Variants in PCDH11X observed in about 807,000 individuals in gnomAD.
PCDH11X encodes protocadherin-11 X-linked.
PCDH11X carries 18 observed loss-of-function variants against 53.3 expected under a neutral mutation model. That is an observed-to-expected ratio of 0.34 (90% confidence interval 0.23 to 0.50). The LOEUF is 0.50. PCDH11X is among the 20% of genes least tolerant of loss of function. The pLI, the probability that PCDH11X is intolerant of heterozygous loss-of-function variation, is 0.98. For missense variants in PCDH11X, 570 were observed against 1,032.4 expected (o/e 0.55, Z 6.14); for synonymous variants, 279 against 393.3 (o/e 0.71, Z 3.44).
At chrX:92,217,974 A>G (rs919216633) in intron 7 of PCDH11X, among the ~76,000 whole-genome samples, 19 of 108,676 alleles carry the variant, frequency 1.7e-4, no homozygotes, top group African/African-American at 6.3e-4. Context: ...AACGAAATGA[A>G]GGCAGAAATA....
Position 92,618,567 on chromosome X carries a change from C to T in PCDH11X, c.3671C>T (p.Pro1224Leu). ...GTGTCTGCTCTCCACCACAGTCCTC[C>T]TCTAGTGCAGGCTACTGCACTTCAC... ...IQVSALHHSP[P>L]LVQATALHHS... Residue 1224 changes from proline to leucine, a missense_variant, in exon 11 of 11, where the codon CCT (proline) becomes CTT (leucine). Pro to Leu is a moderately conservative substitution (Grantham distance 98, BLOSUM62 -3). Transcript: ENST00000682573. 1 of 1,211,783 alleles carries T rather than the reference C, an allele frequency of 8.3e-7. No homozygotes were observed. Among genetic ancestry groups the T allele is most frequent in the Non-Finnish European group, 1.1e-6 (1 of 895,424 alleles).
At chrX:92,335,883 G>A (rs2069605918) in intron 8 of PCDH11X, among the ~76,000 whole-genome samples, 1 of 111,783 alleles carries the variant, frequency 8.9e-6, no homozygotes, top group African/African-American at 3.2e-5. Flanking sequence ...CGATTTGACA[G>A]TTAATACCTA....
At chrX:92,048,623 T>C (rs2063326358) in intron 6 of PCDH11X, among the ~76,000 whole-genome samples, 1 of 111,796 alleles carries the variant, frequency 8.9e-6, no homozygotes, top group South Asian at 3.7e-4. Flanking sequence ...AGTAACACTC[T>C]TTGGTTGAAA....
At chrX:91,780,878 G>A (rs1386773217) in intron 1 of PCDH11X, among the ~76,000 whole-genome samples, 1 of 112,622 alleles carries the variant, frequency 8.9e-6, no homozygotes, top group Non-Finnish European at 1.9e-5. Context: ...AGAGTGTATA[G>A]CCAGAGCCGC....
In PCDH11X at chrX:92,306,643, A is replaced by G. The variant is rs183645314; in HGVS notation, c.3144+43500A>G. ...TCAGTAATAATAATAATAATTAAAA[A>G]AAAAAAAACAACTCTTGACCAGGCG... On this transcript the variant is annotated intron_variant, in intron 8 of 10. Coordinates refer to ENST00000682573, the MANE Select transcript of PCDH11X (RefSeq NM_032968.5). 2.8e-4 allele frequency among the ~76,000 whole-genome samples: 31 copies of G among 109,449 alleles called. No homozygotes were observed. In the East Asian group the frequency reaches 8.8e-3, roughly 31 times the overall value.
At chrX:92,393,112 G>A (rs1395153474) in intron 9 of PCDH11X, among the ~76,000 whole-genome samples, 2 of 110,151 alleles carry the variant, frequency 1.8e-5, no homozygotes, top group Admixed American at 9.8e-5. Context: ...ATCAATTCAT[G>A]TATTACAATA....
At chrX:92,351,184 A>G (rs2070038679) in intron 8 of PCDH11X, among the ~76,000 whole-genome samples, 1 of 111,876 alleles carries the variant, frequency 8.9e-6, no homozygotes, top group Non-Finnish European at 1.9e-5. Context: ...AAGAACTAAA[A>G]TTACTTCTAA....
intron 8 of PCDH11X, among the ~76,000 whole-genome samples, chrX:92,299,902 GT>G (rs1202556315): frequency 9.4e-6 from 1 of 106,515 alleles, no homozygotes; most frequent in African/African-American, 3.4e-5. Context: ...ATGTTAGGTT[GT>G]TAAATTGAGA....
At chrX:92,558,294 T>C (rs2075077324) in intron 10 of PCDH11X, among the ~76,000 whole-genome samples, 1 of 111,221 alleles carries the variant, frequency 9.0e-6, no homozygotes, top group African/African-American at 3.3e-5. Context: ...CATTTTTCTA[T>C]GTGCCCAGAC....
intron 8 of PCDH11X, among the ~76,000 whole-genome samples, chrX:92,323,575 A>AT (rs1027853349): frequency 9.1e-6 from 1 of 109,804 alleles, no homozygotes; most frequent in African/African-American, 3.3e-5. Context: ...ATTTAATTTA[A>AT]TTTTTTTATT....
chrX:91,959,469 T>C (rs755787520), intron 6 of PCDH11X, among the ~76,000 whole-genome samples: 1 of 110,631 alleles, frequency 9.0e-6, no homozygotes, highest in East Asian at 2.9e-4. Flanking sequence ...GCTCCTGGCA[T>C]CCACCATCCT....
chrX:92,057,600 A>G (rs1187060601), intron 6 of PCDH11X, among the ~76,000 whole-genome samples: 2 of 108,722 alleles, frequency 1.8e-5, no homozygotes, highest in African/African-American at 3.4e-5. Context: ...AATAAAGATC[A>G]TTAATGGTGC....
intron 10 of PCDH11X, among the ~76,000 whole-genome samples, chrX:92,502,023 T>G (rs1390041895): frequency 9.0e-6 from 1 of 110,963 alleles, no homozygotes; most frequent in African/African-American, 3.3e-5. Context: ...CAGCAAAGTC[T>G]CAAGATATAA....
intron 4 of PCDH11X, among the ~76,000 whole-genome samples, chrX:91,825,818 A>T (rs1218499864): frequency 9.3e-6 from 1 of 107,549 alleles, no homozygotes; most frequent in East Asian, 2.8e-4. Context: ...ATTTGCTTTG[A>T]GTTGAGATTC....
intron 8 of PCDH11X, among the ~76,000 whole-genome samples, chrX:92,274,997 G>C (rs1178486319): frequency 9.1e-6 from 1 of 109,439 alleles, no homozygotes; most frequent in African/African-American, 3.3e-5. Context: ...GGGACTTAAA[G>C]AGTGAGTACA....
intron 1 of PCDH11X, among the ~76,000 whole-genome samples, chrX:91,782,104 C>T (rs1935166710): frequency 1.8e-5 from 2 of 111,355 alleles, no homozygotes; most frequent in South Asian, 7.5e-4. Flanking sequence ...GCACGAGCAG[C>T]CCTGCCCCGC....
chrX:92,529,140 C>G (rs1476382755), intron 10 of PCDH11X, among the ~76,000 whole-genome samples: 6 of 111,544 alleles, frequency 5.4e-5, no homozygotes, highest in Non-Finnish European at 5.7e-5. Context: ...GAGAAAAAAA[C>G]ACAGTAGGAT....
intron 7 of PCDH11X, among the ~76,000 whole-genome samples, chrX:92,255,811 A>G (rs1208751225): frequency 2.7e-5 from 3 of 112,229 alleles, no homozygotes; most frequent in Non-Finnish European, 5.6e-5. Context: ...CCAGCTGCGT[A>G]CTGGGAGAAC....
intron 6 of PCDH11X, among the ~76,000 whole-genome samples, chrX:91,977,720 T>C (rs1444794116): frequency 9.0e-6 from 1 of 111,326 alleles, no homozygotes; most frequent in Non-Finnish European, 1.9e-5. Flanking sequence ...CTACATATGA[T>C]CTAAAAAACT....
Sources: gnomAD v4.1 joint callset for allele counts (sites outside exome capture counted in the v4.1 genomes callset) on GRCh38, gnomAD v4.1.1 for gene constraint, MANE v1.5 for transcripts, NCBI Gene and HGNC (gene_info 2026-07-23, HGNC 2026-07-21) for gene names.